The following ABCC1 variants were observed in gnomAD, a reference collection of about 807,000 sequenced individuals.
ABCC1 encodes the protein multidrug resistance-associated protein 1.
A neutral mutation model predicts 172.9 loss-of-function variants in ABCC1; 83 were observed. The observed-to-expected ratio is 0.48, with a 90% CI of 0.40 to 0.58. The LOEUF (loss-of-function observed/expected upper bound fraction) is 0.58. ABCC1 is among the 20% of genes least tolerant of loss of function. ABCC1 has a pLI of 0.00. For synonymous variants in ABCC1, 937 were observed against 825.2 expected (o/e 1.14, Z -2.32); for missense variants, 1,817 against 2,002.7 (o/e 0.91, Z 1.77).
At chr16:16,079,021 CG>C (rs1348176160) in intron 15 of ABCC1, among the ~76,000 whole-genome samples, 1 of 152,086 alleles carries the variant, frequency 6.6e-6, no homozygotes, top group Non-Finnish European at 1.5e-5. Flanking sequence ...TCAGACCTTG[CG>C]TCATGCCCCC....
rs200556267 is a variant in ABCC1, at chr16:16,071,635, T to C, written c.1825-7T>C. 5.0e-6 allele frequency: 8 copies of C among 1,613,486 alleles called. No individual in the cohort carries two copies. In the East Asian group the frequency reaches 1.3e-4, roughly 27 times the overall value. On this transcript the variant is annotated splice_region_variant and splice_polypyrimidine_tract_variant and intron_variant, in intron 13 of 30. Coordinates refer to ENST00000399410, the MANE Select transcript of ABCC1 (RefSeq NM_004996.4). ...ATAACTCTCCCCTGCCATTGCTCTC[T>C]GTACAGGCGAGTGTCTCCCTCAAAC... is the stretch of plus-strand genomic sequence containing the variant.
chr16:16,016,949 T>C (rs2048021321), intron 5 of ABCC1, among the ~76,000 whole-genome samples: 1 of 148,648 alleles, frequency 6.7e-6, no homozygotes, highest in Non-Finnish European at 1.5e-5. Flanking sequence ...TGTCCAGATG[T>C]TCTGGAAAAG....
chr16:16,002,109 A>G (rs1439772868), intron 1 of ABCC1, among the ~76,000 whole-genome samples: 1 of 152,210 alleles, frequency 6.6e-6, no homozygotes, highest in Non-Finnish European at 1.5e-5. Context: ...ACCAATGCCA[A>G]GTCCCCAGGA....
chr16:16,036,037 C>G (rs553816597), intron 6 of ABCC1, among the ~76,000 whole-genome samples: 4 of 151,916 alleles, frequency 2.6e-5, no homozygotes, highest in Non-Finnish European at 5.9e-5. Flanking sequence ...GATGGGAGAA[C>G]CACTCTAGAC....
chr16:16,053,466 T>A (rs758863808), intron 11 of ABCC1, among the ~76,000 whole-genome samples: 7 of 151,956 alleles, frequency 4.6e-5, no homozygotes, highest in Non-Finnish European at 8.8e-5. Context: ...AAAGTTTGAA[T>A]ACCCAAGTAA....
intron 7 of ABCC1, among the ~76,000 whole-genome samples, chr16:16,040,636 A>T (rs771121462): frequency 2.0e-5 from 3 of 151,902 alleles, no homozygotes; most frequent in Non-Finnish European, 4.4e-5. Flanking sequence ...GTTTTAGGGT[A>T]CATGTGCACA....
chr16:16,068,124 A>T (rs1437753791), intron 12 of ABCC1, 32 bp from the exon 13 acceptor site: 1 of 1,613,418 alleles, frequency 6.2e-7, no homozygotes, highest in Admixed American at 1.7e-5. Flanking sequence ...CACTCGGGGC[A>T]CAGCAGTCAG....
In ABCC1 at chr16:15,962,693, T is replaced by C. The variant is rs2046161265; in HGVS notation, c.48+12894T>C. The stretch of plus-strand genomic sequence containing the variant: ...AAGCCGGTATAAAACCATCAGATCT[T>C]CTGAGGACTCACTATCAGGAGAACA... On this transcript the variant is annotated intron_variant, in intron 1 of 30. Transcript: ENST00000399410. Among the ~76,000 whole-genome samples the C allele has an allele frequency of 2.0e-5, 3 of 152,288 alleles. No individual in the cohort carries two copies. The South Asian group carries it at 6.2e-4, about 32-fold the overall frequency.
intron 1 of ABCC1, among the ~76,000 whole-genome samples, chr16:15,993,105 G>T (rs1395697690): frequency 1.3e-5 from 2 of 152,146 alleles, no homozygotes; most frequent in Non-Finnish European, 2.9e-5. Context: ...TTATCTGTGA[G>T]CTTTCATCTT....
intron 27 of ABCC1, among the ~76,000 whole-genome samples, chr16:16,132,510 G>GGT (rs1277380301): frequency 0.01 from 391 of 37,302 alleles, 3 homozygotes; most frequent in African/African-American, 0.015. Flanking sequence ...TTGGTTGGTT[G>GGT]TTTTTTTTTT....
intron 1 of ABCC1, among the ~76,000 whole-genome samples, chr16:15,999,769 T>TTCTCTCTCTCTC (rs1228532784): frequency 0.016 from 411 of 25,364 alleles, 147 homozygotes; most frequent in South Asian, 0.055. Context: ...CCCGGCCTCT[T>TTCTCTCTCTCTC]TCTCTCTCTC....
At chr16:16,107,292 T>C (rs1404769980) in intron 21 of ABCC1, among the ~76,000 whole-genome samples, 1 of 152,134 alleles carries the variant, frequency 6.6e-6, no homozygotes, top group Non-Finnish European at 1.5e-5. Flanking sequence ...TTTCTTTTTT[T>C]AATTTTTATT....
intron 5 of ABCC1, 69 bp downstream of exon 5, chr16:16,016,690 A>G: frequency 6.3e-7 from 1 of 1,590,256 alleles, no homozygotes; most frequent in Non-Finnish European, 8.6e-7. Flanking sequence ...AGTACCAGCT[A>G]ACATTTCTTA....
At chr16:16,001,042 C>CA (rs1253869995) in intron 1 of ABCC1, among the ~76,000 whole-genome samples, 24 of 152,292 alleles carry the variant, frequency 1.6e-4, no homozygotes, top group African/African-American at 5.8e-4. Context: ...CCAGTGCCTG[C>CA]AACAGTGTCT....
intron 8 of ABCC1, among the ~76,000 whole-genome samples, chr16:16,045,395 CAAAAAA>C (rs34870561): frequency 3.1e-5 from 2 of 64,704 alleles, no homozygotes; most frequent in African/African-American, 1.2e-4. Context: ...GACTTTGTCT[CAAAAAA>C]AAAAAAAAAA....
At chr16:16,090,736 C>A in intron 19 of ABCC1, 148 bp downstream of exon 19, 1 of 878,082 alleles carries the variant, frequency 1.1e-6, no homozygotes, top group Non-Finnish European at 1.6e-6. Context: ...CCTAAAGAAG[C>A]AATGTGGAAA....
chr16:16,049,118 A>G (rs2049329599), intron 10 of ABCC1, among the ~76,000 whole-genome samples: 1 of 152,138 alleles, frequency 6.6e-6, no homozygotes, highest in Admixed American at 6.6e-5. Context: ...AGTTTCACCC[A>G]CTGCCCTGTT....
At chr16:16,044,317 G>T in intron 7 of ABCC1, 133 bp from the exon 8 acceptor site, 1 of 783,368 alleles carries the variant, frequency 1.3e-6, no homozygotes. Context: ...ACTGTGCTGA[G>T]CTGCCTCTTT....
chr16:15,999,003 AT>A lies in ABCC1; in HGVS notation c.49-8808del, dbSNP rs529773453. 9.9e-4 allele frequency among the ~76,000 whole-genome samples: 150 copies of A among 152,098 alleles called. 1 individual carries two copies. The highest frequency in any genetic ancestry group is 3.4e-3 in the African/African-American group (140 of 41,504). On this transcript the variant is annotated intron_variant, in intron 1 of 30. Transcript: ENST00000399410. The stretch of plus-strand genomic sequence containing the variant: ...TGACTTTTAAAAAAATTAAAAAAAA[AT>A]TTTTATATTTTTTTGAGACGGAGTC...
Sources: gnomAD v4.1 joint callset for allele counts (sites outside exome capture counted in the v4.1 genomes callset) on GRCh38, gnomAD v4.1.1 for gene constraint, MANE v1.5 for transcripts, NCBI Gene and HGNC (gene_info 2026-07-23, HGNC 2026-07-21) for gene names.